The following TRDN variants were observed in gnomAD, a reference collection of about 807,000 sequenced individuals.
TRDN encodes triadin.
TRDN carries 161 observed loss-of-function variants against 149.7 expected under a neutral mutation model. The observed-to-expected ratio is 1.08, with a 90% CI of 0.95 to 1.23. The LOEUF (loss-of-function observed/expected upper bound fraction) is 1.23. TRDN is among the 50% of genes most tolerant of loss of function. TRDN has a pLI of 0.00. For synonymous variants in TRDN, 294 were observed against 250.5 expected, an observed-to-expected ratio of 1.17 and a Z score of -1.64; for missense variants, 896 against 823.5, an observed-to-expected ratio of 1.09 and a Z score of -1.08.
chr6:123,456,969 T>A, intron 10 of TRDN: 3 of 396,712 alleles, frequency 7.6e-6, no homozygotes, highest in South Asian at 5.5e-5. Flanking sequence ...TTGGTACTTG[T>A]AAGCAAGAGC....
chr6:123,265,368 A>C, intron 32 of TRDN, 30 bp from the exon 33 acceptor site: 1 of 1,369,966 alleles, frequency 7.3e-7, no homozygotes, highest in Non-Finnish European at 9.8e-7. Context: ...AAAAAAGAAA[A>C]TGAGTGATAA....
chr6:123,252,403 C>T lies in TRDN; in HGVS notation c.1975+9G>A, dbSNP rs111276785. 216 of 1,496,210 alleles carry T rather than the reference C, an allele frequency of 1.4e-4. No individual in the cohort carries two copies. The African/African-American group carries it at 2.4e-3, about 17-fold the overall frequency. The allele number at this position is 1,496,210 out of a possible 1,614,324, so 92.7% of individuals were successfully genotyped here. A position where few individuals can be genotyped will look rare whatever the true frequency, so the allele number is the denominator to read the frequency against. On this transcript the variant is annotated intron_variant, in intron 38 of 40. Coordinates refer to ENST00000334268, the MANE Select transcript of TRDN (RefSeq NM_006073.4). ...AAGAGAACTTGTCATTAATACAAACCGTACTTACTTGATACTCTTGCAGGT... is the reference window on the plus strand; with the variant it reads ...AAGAGAACTTGTCATTAATACAAACTGTACTTACTTGATACTCTTGCAGGT...
chr6:123,294,212 A>C (rs1778109894), intron 24 of TRDN, among the ~76,000 whole-genome samples: 1 of 152,186 alleles, frequency 6.6e-6, no homozygotes, highest in African/African-American at 2.4e-5. Flanking sequence ...AACATTCAAA[A>C]GGTCTATGAG....
chr6:123,402,354 T>C (rs1329983796), intron 12 of TRDN, among the ~76,000 whole-genome samples: 3 of 152,258 alleles, frequency 2.0e-5, no homozygotes, highest in African/African-American at 7.2e-5. Context: ...AAGCTATTTC[T>C]GTACTTCCCT....
At chr6:123,508,945 A>G (rs1779045340) in intron 7 of TRDN, among the ~76,000 whole-genome samples, 2 of 152,162 alleles carry the variant, frequency 1.3e-5, no homozygotes, top group Non-Finnish European at 2.9e-5. Flanking sequence ...TTACATAAAG[A>G]ACACTTTCTA....
At chr6:123,261,274 T>C (rs1582791222) in intron 33 of TRDN, among the ~76,000 whole-genome samples, 5 of 152,020 alleles carry the variant, frequency 3.3e-5, no homozygotes, top group African/African-American at 1.2e-4. Flanking sequence ...ATAATATTTA[T>C]TAAAGTAGCT....
intron 12 of TRDN, among the ~76,000 whole-genome samples, chr6:123,400,167 G>GTGTATATATATATA (rs1554232309): frequency 8.9e-5 from 11 of 123,396 alleles, no homozygotes; most frequent in African/African-American, 1.8e-4. Context: ...ATATGTATGT[G>GTGTATATATATATA]TATATATATA....
chr6:123,251,115 T>C (rs2114567864), intron 38 of TRDN, among the ~76,000 whole-genome samples: 1 of 152,258 alleles, frequency 6.6e-6, no homozygotes, highest in South Asian at 2.1e-4. Context: ...TCCTTTTATC[T>C]ATACATTTTG....
chr6:123,618,199 C>G (rs1027767390), intron 1 of TRDN, among the ~76,000 whole-genome samples: 2 of 152,144 alleles, frequency 1.3e-5, no homozygotes, highest in African/African-American at 4.8e-5. Flanking sequence ...ACAAATTTAT[C>G]TTACAATTCT....
At chr6:123,609,438 T>C (rs1784684224) in intron 1 of TRDN, among the ~76,000 whole-genome samples, 2 of 152,186 alleles carry the variant, frequency 1.3e-5, no homozygotes, top group South Asian at 4.1e-4. Flanking sequence ...ATGATGAGTG[T>C]ATCTTTTTTC....
intron 26 of TRDN, among the ~76,000 whole-genome samples, chr6:123,275,372 A>T (rs1180165153): frequency 6.6e-6 from 1 of 152,162 alleles, no homozygotes; most frequent in Admixed American, 6.6e-5. Context: ...GATTGAAGTC[A>T]TATATCTTCA....
chr6:123,243,171 G>T (rs1188912437), intron 38 of TRDN, among the ~76,000 whole-genome samples: 2 of 152,078 alleles, frequency 1.3e-5, no homozygotes, highest in African/African-American at 4.8e-5. Context: ...ATTGAGAGTG[G>T]TCCCATCATC....
chr6:123,566,967 A>G (rs926153081), intron 2 of TRDN, among the ~76,000 whole-genome samples: 7 of 152,316 alleles, frequency 4.6e-5, no homozygotes, highest in African/African-American at 1.7e-4. Context: ...AGCTACCTAT[A>G]ATTAGATTTT....
At chr6:123,505,105 G>A (rs546682216) in intron 7 of TRDN, among the ~76,000 whole-genome samples, 9 of 151,916 alleles carry the variant, frequency 5.9e-5, no homozygotes, top group Admixed American at 2.0e-4. Flanking sequence ...TTAGCTGGGC[G>A]TGGTGGTGCA....
Position 123,516,183 on chromosome 6 carries a change from C to CT in TRDN, c.507dup (p.Gly170ArgfsTer12). On this transcript the variant is annotated frameshift_variant, in exon 6 of 41. Transcript: ENST00000334268. LOFTEE classifies it high-confidence loss of function. ...TCTTTTTCTCTTACTTTTTCTTTTC[C>CT]TTTTTCTTTTTCTTTGTGTGTAACT... 2 of 1,478,036 alleles carry CT rather than the reference C, an allele frequency of 1.4e-6. No homozygotes were observed. The highest frequency in any genetic ancestry group is 2.5e-5 in the South Asian group (2 of 79,496). The allele number at this position is 1,478,036 out of a possible 1,614,324, so 91.6% of individuals were successfully genotyped here.
chr6:123,411,257 G>T (rs2114513895), intron 12 of TRDN, among the ~76,000 whole-genome samples: 1 of 151,930 alleles, frequency 6.6e-6, no homozygotes, highest in South Asian at 2.1e-4. Context: ...GTGTTGGCAG[G>T]GCGGGTCTCG....
intron 10 of TRDN, among the ~76,000 whole-genome samples, chr6:123,460,858 T>C (rs1482177232): frequency 6.6e-6 from 1 of 152,198 alleles, no homozygotes; most frequent in African/African-American, 2.4e-5. Flanking sequence ...TCTTTATGGC[T>C]CAATGAAAGA....
rs1217212212 is a variant in TRDN, at chr6:123,278,335, T to C, written c.1550A>G (p.Lys517Arg). Residue 517 changes from lysine (K) to arginine (R), a missense_variant, in exon 26 of 41, where the codon AAA (lysine) becomes AGA (arginine). Transcript: ENST00000334268. ...ATACATACCTGGCTTCTCTTCCTTT[T>C]TTCCTTGTAGTTCTAAAAATATAGA... ...VKPKPPQLQG[K>R]KEEKPEPQIK... is the part of the protein sequence containing the mutation. 7.7e-7 allele frequency: 1 copy of C among 1,297,644 alleles called. No individual in the cohort carries two copies. Among genetic ancestry groups the C allele is most frequent in the Non-Finnish European group, 1.0e-6 (1 of 960,692 alleles). 80.4% of individuals were successfully genotyped at this position (1,297,644 alleles called of 1,614,324 possible).
At chr6:123,317,731 T>G (rs1191283901) in intron 23 of TRDN, among the ~76,000 whole-genome samples, 1 of 151,978 alleles carries the variant, frequency 6.6e-6, no homozygotes. Context: ...GCAAGAACTG[T>G]GTTTTGTTTA....
Sources: gnomAD v4.1 joint callset for allele counts (sites outside exome capture counted in the v4.1 genomes callset) on GRCh38, gnomAD v4.1.1 for gene constraint, MANE v1.5 for transcripts, NCBI Gene and HGNC (gene_info 2026-07-23, HGNC 2026-07-21) for gene names.